The following ARMC9 variants were observed in gnomAD, a reference collection of about 807,000 sequenced individuals.
ARMC9 encodes armadillo repeat containing 9, also known as lisH domain-containing protein ARMC9.
ARMC9 carries 94 observed loss-of-function variants against 107.0 expected under a neutral mutation model. The ratio of observed to expected loss-of-function variants is 0.88; its 90% CI spans 0.74 to 1.04. ARMC9 has a LOEUF of 1.04. Ranked by LOEUF, ARMC9 falls within the 50% of genes least tolerant of loss-of-function variation. The pLI, the probability that ARMC9 is intolerant of heterozygous loss-of-function variation, is 0.00. For missense variants in ARMC9, 942 were observed against 1,030.1 expected, an observed-to-expected ratio of 0.91 and a Z score of 1.17; for synonymous variants, 380 against 396.9, an observed-to-expected ratio of 0.96 and a Z score of 0.51.
chr2:231,321,266 C>T (rs1186662702), intron 19 of ARMC9, among the ~76,000 whole-genome samples: 1 of 152,162 alleles, frequency 6.6e-6, no homozygotes, highest in Admixed American at 6.5e-5. Context: ...GGAGGTTCCT[C>T]ATGTGCTGCC....
At chr2:231,368,958 G>A (rs1025332408) in intron 23 of ARMC9, among the ~76,000 whole-genome samples, 6 of 152,124 alleles carry the variant, frequency 3.9e-5, no homozygotes, top group Admixed American at 3.9e-4. Flanking sequence ...TGTTATCAAT[G>A]TAAAAAAAGG....
chr2:231,228,388 C>T (rs2034865021), intron 7 of ARMC9, among the ~76,000 whole-genome samples: 1 of 152,190 alleles, frequency 6.6e-6, no homozygotes, highest in Non-Finnish European at 1.5e-5. Flanking sequence ...GGGGCCAACT[C>T]CAAGGCACTC....
At chr2:231,301,882 G>A (rs2041750960) in intron 19 of ARMC9, among the ~76,000 whole-genome samples, 1 of 152,066 alleles carries the variant, frequency 6.6e-6, no homozygotes, top group Non-Finnish European at 1.5e-5. Context: ...GGTAGTCTGA[G>A]GCGCAAGAAT....
chr2:231,371,389 G>A (rs376221732), intron 24 of ARMC9, 124 bp from the exon 25 acceptor site: 1 of 1,171,024 alleles, frequency 8.5e-7, no homozygotes. Context: ...CACAGAACAG[G>A]TGACCTGGGA....
intron 20 of ARMC9, among the ~76,000 whole-genome samples, chr2:231,342,365 G>A (rs186529307): frequency 6.6e-6 from 1 of 152,308 alleles, no homozygotes; most frequent in Admixed American, 6.5e-5. Context: ...TGAAATAACT[G>A]GCAGAGTCTA....
rs770225857 is a variant in ARMC9, at chr2:231,350,946, C to CTTTTTTTTTT, written c.1995-4831_1995-4822dup. ...ATCCTATTTGCACAAAGTGACAATT[C>CTTTTTTTTTT]TTTTTTTTTTTTTTTTTTTTTTTTT... is the stretch of plus-strand genomic sequence containing the variant. On this transcript the variant is annotated intron_variant, in intron 21 of 24. Transcript: ENST00000611582. 9.9e-5 allele frequency among the ~76,000 whole-genome samples: 5 copies of CTTTTTTTTTT among 50,600 alleles called. 2 individuals are homozygous for CTTTTTTTTTT. Among genetic ancestry groups the CTTTTTTTTTT allele is most frequent in the African/African-American group, 5.0e-4 (5 of 10,064 alleles). 33.2% of individuals were successfully genotyped at this position (50,600 alleles called of 152,430 possible). A position where few individuals can be genotyped will look rare whatever the true frequency, so the allele number is the denominator to read the frequency against.
intron 4 of ARMC9, among the ~76,000 whole-genome samples, 186 bp from the exon 5 acceptor site, chr2:231,216,452 C>T (rs1414018594): frequency 6.6e-6 from 1 of 152,116 alleles, no homozygotes; most frequent in Non-Finnish European, 1.5e-5. Context: ...ATCTTCCTGA[C>T]ATAGTCTCAT....
intron 12 of ARMC9, among the ~76,000 whole-genome samples, chr2:231,268,184 A>T (rs906391779): frequency 2.0e-5 from 3 of 152,194 alleles, no homozygotes; most frequent in Non-Finnish European, 1.5e-5. Flanking sequence ...AAGCCAGGAG[A>T]GAAGTCACCC....
intron 20 of ARMC9, 81 bp downstream of exon 20, chr2:231,331,978 A>C: frequency 8.4e-7 from 1 of 1,195,736 alleles, no homozygotes. Context: ...TCAGTGACAC[A>C]GAGGGTTTAG....
rs756098423 is a variant in ARMC9, at chr2:231,272,303, C to T, written c.1211-652C>T. 2.0e-5 allele frequency among the ~76,000 whole-genome samples: 3 copies of T among 149,892 alleles called. 1 individual carries two copies. The highest frequency in any genetic ancestry group is 1.3e-4 in the Admixed American group (2 of 14,946). Reference sequence around the variant, plus strand: ...CCACCTGGGCTCAAGGAATACTCCTCGCGCCTCAGCCCCCCAATTAGCGGG... The same window carrying T: ...CCACCTGGGCTCAAGGAATACTCCTTGCGCCTCAGCCCCCCAATTAGCGGG... On this transcript the variant is annotated intron_variant, in intron 13 of 24. Coordinates refer to ENST00000611582, the MANE Select transcript of ARMC9 (RefSeq NM_001352754.2).
chr2:231,298,840 A>G (rs368604906), intron 19 of ARMC9, among the ~76,000 whole-genome samples: 1 of 152,190 alleles, frequency 6.6e-6, no homozygotes, highest in East Asian at 1.9e-4. Context: ...AAGCTGAGGC[A>G]CGAGAATCAC....
chr2:231,355,504 A>T (rs182122019), intron 21 of ARMC9, among the ~76,000 whole-genome samples: 1 of 152,240 alleles, frequency 6.6e-6, no homozygotes, highest in East Asian at 1.9e-4. Context: ...TTGAAATGTC[A>T]TGGTCCCATG....
At position 231,273,040 on chromosome 2, in the gene ARMC9, G is replaced by A. The variant is rs2039472972; in HGVS notation, c.1296G>A (p.Arg432=). ...AGGAGGACAAGGATATCATCACCAG[G>A]GAGAATGTTCTTGGGGCCCTGCAGA... is the stretch of plus-strand genomic sequence containing the variant. ...LKEEDKDIIT[R]ENVLGALQKF... Residue 432 remains arginine, a synonymous_variant, in exon 14 of 25, where the codon AGG becomes AGA. Transcript: ENST00000611582. 6.2e-7 allele frequency: 1 copy of A among 1,613,914 alleles called. No individual in the cohort carries two copies. Among genetic ancestry groups the A allele is most frequent in the Non-Finnish European group, 8.5e-7 (1 of 1,179,890 alleles).
Position 231,206,391 on chromosome 2 carries a change from T to C in ARMC9, c.51+102T>C, listed in dbSNP as rs112923634. 11 of 961,066 alleles carry C rather than the reference T, an allele frequency of 1.1e-5. No individual in the cohort carries two copies. In the African/African-American group the frequency reaches 1.2e-4, roughly 10 times the overall value. 59.5% of individuals were successfully genotyped at this position (961,066 alleles called of 1,614,324 possible). ...TTAGTGCCTTGTAATGTTTCTTCTA[T>C]TGTTATGTTGGAGCTATTTTTCTAT... On this transcript the variant is annotated intron_variant, in intron 2 of 24. Transcript: ENST00000611582.
At chr2:231,256,642 T>G (rs776663852) in intron 10 of ARMC9, 22 bp downstream of exon 10, 34 of 1,610,462 alleles carry the variant, frequency 2.1e-5, no homozygotes, top group Non-Finnish European at 2.5e-5. Flanking sequence ...CTCTTAGGAA[T>G]TTTTATTAAG....
intron 4 of ARMC9, 115 bp downstream of exon 4, chr2:231,215,116 C>A: frequency 1.6e-6 from 2 of 1,230,456 alleles, no homozygotes; most frequent in Non-Finnish European, 2.3e-6. Context: ...ATAATGCTTA[C>A]GAGGTACAGG....
chr2:231,347,647 T>C (rs2044868651), intron 21 of ARMC9, among the ~76,000 whole-genome samples: 1 of 152,094 alleles, frequency 6.6e-6, no homozygotes, highest in Non-Finnish European at 1.5e-5. Flanking sequence ...GAGCCACTCT[T>C]CTCTACACCA....
At chr2:231,333,022 C>A (rs957591310) in intron 20 of ARMC9, among the ~76,000 whole-genome samples, 3 of 152,302 alleles carry the variant, frequency 2.0e-5, no homozygotes, top group Non-Finnish European at 4.4e-5. Flanking sequence ...TTTATGGGAG[C>A]AGGTGGAAGC....
chr2:231,201,929 C>A (rs1354766210), intron 1 of ARMC9, among the ~76,000 whole-genome samples: 1 of 151,448 alleles, frequency 6.6e-6, no homozygotes, highest in Non-Finnish European at 1.5e-5. Flanking sequence ...CCCTCCCTTC[C>A]GTTCCCACTC....
Sources: gnomAD v4.1 joint callset for allele counts (sites outside exome capture counted in the v4.1 genomes callset) on GRCh38, gnomAD v4.1.1 for gene constraint, MANE v1.5 for transcripts, NCBI Gene and HGNC (gene_info 2026-07-23, HGNC 2026-07-21) for gene names.